NKAIN2: variants seen among roughly 807,000 people sequenced by gnomAD.
NKAIN2 encodes sodium/potassium-transporting ATPase subunit beta-1-interacting protein 2.
A neutral mutation model predicts 32.6 loss-of-function variants in NKAIN2; 14 were observed. The ratio of observed to expected loss-of-function variants is 0.43; its 90% confidence interval spans 0.28 to 0.67. NKAIN2 has a LOEUF of 0.67. Among genes scored for constraint, NKAIN2 ranks in the 30% least tolerant of loss-of-function variants. NKAIN2 has a pLI of 0.17. For missense variants in NKAIN2, 198 were observed against 258.3 expected (o/e 0.77, Z 1.60); for synonymous variants, 80 against 87.2 (o/e 0.92, Z 0.46).
chr6:123,922,230 A>G (rs1282122072), intron 1 of NKAIN2, among the ~76,000 whole-genome samples: 1 of 152,216 alleles, frequency 6.6e-6, no homozygotes, highest in Non-Finnish European at 1.5e-5. Flanking sequence ...CTTCTCAGCT[A>G]TTGAGCATTA....
chr6:124,587,198 T>TA (rs1781740949), intron 3 of NKAIN2, among the ~76,000 whole-genome samples: 1 of 152,122 alleles, frequency 6.6e-6, no homozygotes, highest in Non-Finnish European at 1.5e-5. Flanking sequence ...CTTTTTTTGT[T>TA]AAAAAAGGAG....
intron 2 of NKAIN2, among the ~76,000 whole-genome samples, chr6:124,297,063 G>A (rs1287111623): frequency 6.6e-6 from 1 of 152,030 alleles, no homozygotes; most frequent in East Asian, 1.9e-4. Context: ...ACTATACAAC[G>A]ATTAAAACCA....
chr6:124,575,908 T>C (rs555850529), intron 3 of NKAIN2, among the ~76,000 whole-genome samples: 1 of 152,210 alleles, frequency 6.6e-6, no homozygotes, highest in Non-Finnish European at 1.5e-5. Context: ...ACTTATCTTT[T>C]TCACAGTGTT....
chr6:124,137,612 A>G (rs890260124), intron 1 of NKAIN2, among the ~76,000 whole-genome samples: 2 of 152,190 alleles, frequency 1.3e-5, no homozygotes, highest in Non-Finnish European at 2.9e-5. Context: ...ATTTCTTGCT[A>G]TATTACCAGA....
At chr6:124,717,151 C>T (rs555276284) in intron 4 of NKAIN2, among the ~76,000 whole-genome samples, 203 of 152,080 alleles carry the variant, frequency 1.3e-3, no homozygotes, top group Non-Finnish European at 2.6e-3. Flanking sequence ...ATAAGTGAAC[C>T]TCATGTTCAG....
At chr6:124,651,676 A>C (rs1195072949) in intron 3 of NKAIN2, among the ~76,000 whole-genome samples, 1 of 152,116 alleles carries the variant, frequency 6.6e-6, no homozygotes, top group Non-Finnish European at 1.5e-5. Context: ...AGTTATAAAC[A>C]CAGGGAACAG....
rs201308101 is a variant in NKAIN2 at position 124,103,682 on chromosome 6, A to ATT, written c.55-179322_55-179321dup. ...AGCAAGCATTCACTGACTAGGAAGC[A>ATT]TTAAAAGGTTTTTTTGTAATTTGTA... is the stretch of plus-strand genomic sequence containing the variant. On this transcript the variant is annotated intron_variant, in intron 1 of 6. Coordinates refer to ENST00000368417, the MANE Select transcript of NKAIN2 (RefSeq NM_001040214.3). Among the ~76,000 whole-genome samples, 155 of 152,352 alleles carry ATT rather than the reference A, an allele frequency of 1.0e-3. 5 individuals carry two copies. In the East Asian group the frequency reaches 0.029, roughly 28 times the overall value.
chr6:123,817,820 G>A (rs534735264), intron 1 of NKAIN2, among the ~76,000 whole-genome samples: 1 of 152,294 alleles, frequency 6.6e-6, no homozygotes, highest in Non-Finnish European at 1.5e-5. Flanking sequence ...TGGAAGGTAG[G>A]TTGAGACATA....
intron 4 of NKAIN2, among the ~76,000 whole-genome samples, chr6:124,715,771 C>A (rs1401846443): frequency 6.6e-6 from 1 of 152,196 alleles, no homozygotes; most frequent in Non-Finnish European, 1.5e-5. Context: ...TAGCCTCCTT[C>A]ACTCTTCCTC....
intron 4 of NKAIN2, among the ~76,000 whole-genome samples, chr6:124,748,900 G>GT (rs1305686708): frequency 1.3e-5 from 2 of 149,946 alleles, no homozygotes; most frequent in African/African-American, 4.9e-5. Flanking sequence ...TATTGCAGCT[G>GT]TAACAAGGAA....
intron 5 of NKAIN2, among the ~76,000 whole-genome samples, chr6:124,805,154 C>G (rs1350208874): frequency 1.3e-5 from 2 of 152,176 alleles, no homozygotes; most frequent in Middle Eastern, 3.2e-3. Flanking sequence ...TCCCAGCACG[C>G]AGCTGGAGAT....
intron 1 of NKAIN2, among the ~76,000 whole-genome samples, chr6:124,037,483 T>A (rs1209573359): frequency 6.6e-6 from 1 of 152,102 alleles, no homozygotes; most frequent in Admixed American, 6.6e-5. Flanking sequence ...AGTTATTGGT[T>A]CCTGAAAAAC....
intron 1 of NKAIN2, among the ~76,000 whole-genome samples, chr6:124,238,169 AG>A (rs1447333169): frequency 6.6e-6 from 1 of 151,998 alleles, no homozygotes; most frequent in East Asian, 1.9e-4. Flanking sequence ...AAGGTTAGCC[AG>A]GGGGGAAGAA....
At chr6:124,240,785 T>C (rs1793048142) in intron 1 of NKAIN2, among the ~76,000 whole-genome samples, 1 of 152,172 alleles carries the variant, frequency 6.6e-6, no homozygotes, top group Non-Finnish European at 1.5e-5. Context: ...ACAGCCAGTA[T>C]CATATTGAAT....
chr6:124,503,131 C>T (rs946011823), intron 3 of NKAIN2, among the ~76,000 whole-genome samples: 4 of 151,954 alleles, frequency 2.6e-5, no homozygotes, highest in African/African-American at 7.2e-5. Flanking sequence ...GTTTTCTACA[C>T]ATAAATGCTG....
At chr6:124,683,952 A>G (rs1475358619) in intron 4 of NKAIN2, among the ~76,000 whole-genome samples, 1 of 152,212 alleles carries the variant, frequency 6.6e-6, no homozygotes, top group South Asian at 2.1e-4. Flanking sequence ...GGTTCTTTAC[A>G]TGTGAGTCCC....
At position 123,891,089 on chromosome 6, in the gene NKAIN2, A is replaced by G. The variant is rs181647973; in HGVS notation, c.54+86835A>G. Reference sequence around the variant, plus strand: ...CATTTGCCAAGTGAAAAAAATCCAGACACAGAAGGACAAATGTATGATTTC... The same window carrying G: ...CATTTGCCAAGTGAAAAAAATCCAGGCACAGAAGGACAAATGTATGATTTC... On this transcript the variant is annotated intron_variant, in intron 1 of 6. Coordinates refer to ENST00000368417, the MANE Select transcript of NKAIN2 (RefSeq NM_001040214.3). Among the ~76,000 whole-genome samples the G allele has an allele frequency of 5.5e-3, 840 of 152,296 alleles. 6 individuals are homozygous for G. Among genetic ancestry groups the G allele is most frequent in the Non-Finnish European group, 7.7e-3 (521 of 68,012 alleles).
chr6:123,811,511 C>CGAGAGAGAGAGAGAGGCTGAAA, intron 1 of NKAIN2, among the ~76,000 whole-genome samples: 1 of 151,928 alleles, frequency 6.6e-6, no homozygotes, highest in African/African-American at 2.4e-5. Context: ...TTTAATATAC[C>CGAGAGAGAGAGAGAGGCTGAAA]AAGGAGCTTA....
chr6:124,487,539 C>A (rs1273307159), intron 3 of NKAIN2, among the ~76,000 whole-genome samples: 1 of 152,100 alleles, frequency 6.6e-6, no homozygotes, highest in Admixed American at 6.6e-5. Context: ...TGTGGCAAGT[C>A]CATAAGGAAT....
Sources: gnomAD v4.1 joint callset for allele counts (sites outside exome capture counted in the v4.1 genomes callset) on GRCh38, gnomAD v4.1.1 for gene constraint, MANE v1.5 for transcripts, NCBI Gene and HGNC (gene_info 2026-07-23, HGNC 2026-07-21) for gene names.